Variants in SMARCA1 observed in about 807,000 individuals in gnomAD.
SMARCA1 encodes SWI/SNF-related matrix-associated actin-dependent regulator of chromatin subfamily A member 1.
SMARCA1 carries 17 observed loss-of-function variants against 93.6 expected under a neutral mutation model. That is an observed-to-expected ratio of 0.18 (90% CI 0.12 to 0.27). The LOEUF is 0.27. Ranked by LOEUF, SMARCA1 falls within the 10% of genes least tolerant of loss-of-function variation. SMARCA1 has a pLI of 1.00. For missense variants in SMARCA1, 630 were observed against 819.0 expected (o/e 0.77, Z 2.82); for synonymous variants, 271 against 271.4 (o/e 1.00, Z 0.01).
At chrX:129,482,476 T>C (rs1292017036) in intron 17 of SMARCA1, among the ~76,000 whole-genome samples, 1 of 111,442 alleles carries the variant, frequency 9.0e-6, no homozygotes, top group Non-Finnish European at 1.9e-5. Context: ...ATGGCAGAGT[T>C]GGAAAAGTGG....
At chrX:129,512,181 C>T (rs936979838) in intron 5 of SMARCA1, among the ~76,000 whole-genome samples, 198 bp from the exon 6 acceptor site, 1 of 111,571 alleles carries the variant, frequency 9.0e-6, no homozygotes, top group Non-Finnish European at 1.9e-5. Flanking sequence ...TTGTACTTAC[C>T]GTGAGCACAA....
chrX:129,486,810 T>TTGATGATGA (rs35899125), intron 17 of SMARCA1, among the ~76,000 whole-genome samples: 347 of 106,511 alleles, frequency 3.3e-3, no homozygotes, highest in Non-Finnish European at 5.7e-3. Flanking sequence ...ACAGCAAAAA[T>TTGATGATGA]TGATGATGAT....
At chrX:129,450,745 C>A (rs1190943126) in intron 23 of SMARCA1, among the ~76,000 whole-genome samples, 1 of 110,914 alleles carries the variant, frequency 9.0e-6, no homozygotes, top group Non-Finnish European at 1.9e-5. Flanking sequence ...CATCGGCTAT[C>A]CCTAAGAGTA....
intron 17 of SMARCA1, among the ~76,000 whole-genome samples, chrX:129,483,385 G>A (rs1316860520): frequency 1.1e-5 from 1 of 93,991 alleles, no homozygotes; most frequent in Non-Finnish European, 2.0e-5. Context: ...TAACATAAAT[G>A]ACCTTCTAAC....
At chrX:129,520,701 C>A (rs1435978278) in intron 1 of SMARCA1, among the ~76,000 whole-genome samples, 1 of 111,500 alleles carries the variant, frequency 9.0e-6, no homozygotes, top group Non-Finnish European at 1.9e-5. Flanking sequence ...CATTATTTCC[C>A]TCTCCCTGTT....
At position 129,498,044 on chromosome X, in the gene SMARCA1, A is replaced by G. The variant is rs1448804351; in HGVS notation, c.1305T>C (p.Ile435=). ...TCTTGCCAGAAGAGTTTAAAACATCAATATCTTTCATCAGGATTTTTGTAT... is the reference window on the plus strand; with the variant it reads ...TCTTGCCAGAAGAGTTTAAAACATCGATATCTTTCATCAGGATTTTTGTAT... The part of the protein sequence containing the change: ...EWYTKILMKD[I]DVLNSSGKMD... Residue 435 remains isoleucine (I), a synonymous_variant, in exon 11 of 25, where the codon ATT becomes ATC. Coordinates refer to ENST00000371121, the MANE Select transcript of SMARCA1 (RefSeq NM_001282874.2). 1 of 1,184,610 alleles carries G rather than the reference A, an allele frequency of 8.4e-7. No homozygotes were observed. Among genetic ancestry groups the G allele is most frequent in the Non-Finnish European group, 1.1e-6 (1 of 872,087 alleles).
intron 23 of SMARCA1, among the ~76,000 whole-genome samples, chrX:129,465,277 A>AAC (rs1932880214): frequency 8.9e-6 from 1 of 111,863 alleles, no homozygotes; most frequent in Non-Finnish European, 1.9e-5. Flanking sequence ...AAGTATACTT[A>AAC]TAAAATATAG....
rs146487129 is a variant in SMARCA1 at position 129,496,802 on chromosome X, C to T, written c.1574G>A (p.Arg525His). The change falls in exon 12 of 25, where the codon CGT (arginine) becomes CAT (histidine). Residue 525 changes from arginine to histidine, a missense_variant. Arg to His is a conservative substitution (Grantham distance 29). Coordinates refer to ENST00000371121, the MANE Select transcript of SMARCA1 (RefSeq NM_001282874.2). Reference protein sequence around the residue: ...LDILEDYCMWRGYEYCRLDGQ... With the variant: ...LDILEDYCMWHGYEYCRLDGQ... ...ATCCAGTCGACAATACTCATAACCA[C>T]GCCACATGCAATAATCTTCCAAAAT... is the stretch of plus-strand genomic sequence containing the variant. 3.3e-5 allele frequency: 40 copies of T among 1,201,882 alleles called. No homozygotes were observed. The highest frequency in any genetic ancestry group is 7.0e-5 in the African/African-American group (4 of 56,876).
chrX:129,468,700 G>T, intron 21 of SMARCA1, 73 bp downstream of exon 21: 2 of 742,155 alleles, frequency 2.7e-6, no homozygotes, highest in South Asian at 3.2e-5. Context: ...TCTGAACAAA[G>T]GTACAATTAA....
rs762021096 is a variant in SMARCA1, at chrX:129,486,998, G to C, written c.2217+20C>G. The C allele has an allele frequency of 5.2e-6, 6 of 1,151,519 alleles. No individual in the cohort carries two copies. Among genetic ancestry groups the C allele is most frequent in the Non-Finnish European group, 5.8e-6 (5 of 858,059 alleles). 94.9% of individuals were successfully genotyped at this position (1,151,519 alleles called of 1,213,427 possible). On this transcript the variant is annotated intron_variant, in intron 17 of 24. Coordinates refer to ENST00000371121, the MANE Select transcript of SMARCA1 (RefSeq NM_001282874.2). ...AGAAATGCTCATTTGAGGGTCTAAT[G>C]GTTGAGAGTAAAAAGTTACCTTCTG... is the stretch of plus-strand genomic sequence containing the variant.
intron 8 of SMARCA1, among the ~76,000 whole-genome samples, 176 bp downstream of exon 8, chrX:129,505,904 T>C (rs1934790317): frequency 8.9e-6 from 1 of 112,045 alleles, no homozygotes; most frequent in Non-Finnish European, 1.9e-5. Flanking sequence ...AGCATACTAT[T>C]TCTCCAAAGA....
At chrX:129,477,671 A>T (rs1230350039) in intron 19 of SMARCA1, among the ~76,000 whole-genome samples, 4 of 111,850 alleles carry the variant, frequency 3.6e-5, no homozygotes, top group African/African-American at 1.3e-4. Context: ...CATCTGTAAA[A>T]TAAGGATGTA....
At chrX:129,502,470 T>C (rs144676982) in intron 9 of SMARCA1, among the ~76,000 whole-genome samples, 174 of 111,263 alleles carry the variant, frequency 1.6e-3, no homozygotes, top group Non-Finnish European at 2.9e-3. Flanking sequence ...TTCAAAGCAA[T>C]AGCCAAGATA....
At chrX:129,450,595 T>C (rs1395059444) in intron 23 of SMARCA1, among the ~76,000 whole-genome samples, 1 of 111,898 alleles carries the variant, frequency 8.9e-6, no homozygotes, top group African/African-American at 3.2e-5. Flanking sequence ...TACAAAACAA[T>C]GTTTAGAGCA....
At chrX:129,507,506 G>C (rs968235834) in intron 7 of SMARCA1, among the ~76,000 whole-genome samples, 1 of 112,674 alleles carries the variant, frequency 8.9e-6, no homozygotes. Context: ...AATGTGTCTT[G>C]TATTCAATAA....
At chrX:129,455,925 G>C (rs1269960832) in intron 23 of SMARCA1, among the ~76,000 whole-genome samples, 4 of 112,249 alleles carry the variant, frequency 3.6e-5, no homozygotes, top group African/African-American at 1.3e-4. Context: ...AAGTTATCCA[G>C]AAAAATCTAG....
intron 12 of SMARCA1, among the ~76,000 whole-genome samples, chrX:129,493,989 T>C (rs1421648743): frequency 9.0e-6 from 1 of 110,998 alleles, no homozygotes; most frequent in Non-Finnish European, 1.9e-5. Flanking sequence ...ATTGGGAAAA[T>C]AGATGAAATG....
chrX:129,455,754 T>G (rs1932594835), intron 23 of SMARCA1, among the ~76,000 whole-genome samples: 1 of 111,866 alleles, frequency 8.9e-6, no homozygotes, highest in African/African-American at 3.2e-5. Flanking sequence ...CAGAGCAAGA[T>G]CCTAACTCTT....
At chrX:129,514,631 T>C (rs1459194970) in intron 5 of SMARCA1, among the ~76,000 whole-genome samples, 1 of 112,153 alleles carries the variant, frequency 8.9e-6, no homozygotes, top group Non-Finnish European at 1.9e-5. Flanking sequence ...TCAGGTAGCC[T>C]ACAATGAAAA....
Sources: gnomAD v4.1 joint callset for allele counts (sites outside exome capture counted in the v4.1 genomes callset) on GRCh38, gnomAD v4.1.1 for gene constraint, MANE v1.5 for transcripts, NCBI Gene and HGNC (gene_info 2026-07-23, HGNC 2026-07-21) for gene names.